The following BCAS3 variants were observed in gnomAD, a reference collection of about 807,000 sequenced individuals.
BCAS3 encodes BCAS3 microtubule associated cell migration factor.
In BCAS3, 53 loss-of-function variants were observed where a neutral mutation model predicts 116.1. That is an observed-to-expected ratio of 0.46 (90% CI 0.37 to 0.57). BCAS3 has a LOEUF of 0.57. BCAS3 is among the 20% of genes least tolerant of loss of function. The pLI is 0.00. For synonymous variants in BCAS3, 391 were observed against 408.2 expected (o/e 0.96, Z 0.51); for missense variants, 917 against 1,165.4 (o/e 0.79, Z 3.10).
At chr17:61,058,109 C>G (rs935338161) in intron 19 of BCAS3, among the ~76,000 whole-genome samples, 1 of 151,980 alleles carries the variant, frequency 6.6e-6, no homozygotes, top group Non-Finnish European at 1.5e-5. Flanking sequence ...GTTTCTCTTT[C>G]TTTGAAAAAA....
rs763523219 is a variant in BCAS3 at position 61,391,926 on chromosome 17, A to G, written c.2594-51A>G. On this transcript the variant is annotated intron_variant, in intron 23 of 23. Coordinates refer to ENST00000407086, the MANE Select transcript of BCAS3 (RefSeq NM_017679.5). The surrounding 1 kb of genome is among the most constrained non-coding windows in gnomAD (Gnocchi z 7.7). ...GCAGCCTGGCCCAGATGGTGCCCCCACTCCCCAGACCCAACTCTAACCAGG... is the reference window on the plus strand; with the variant it reads ...GCAGCCTGGCCCAGATGGTGCCCCCGCTCCCCAGACCCAACTCTAACCAGG... 3.2e-6 allele frequency: 5 copies of G among 1,584,048 alleles called. No homozygotes were observed. Among genetic ancestry groups the G allele is most frequent in the South Asian group, 2.3e-5 (2 of 87,374 alleles).
At chr17:60,726,507 G>A (rs2039874783) in intron 5 of BCAS3, among the ~76,000 whole-genome samples, 1 of 149,042 alleles carries the variant, frequency 6.7e-6, no homozygotes, top group Non-Finnish European at 1.5e-5. Context: ...GCCAGAGGGA[G>A]GAATTTTTTT....
intron 23 of BCAS3, among the ~76,000 whole-genome samples, chr17:61,373,959 G>A (rs562424033): frequency 6.8e-4 from 102 of 149,666 alleles, no homozygotes; most frequent in South Asian, 2.1e-3. Context: ...AGGACTACAG[G>A]CGTGCGCCAC....
At chr17:60,882,718 T>C (rs1482933357) in intron 9 of BCAS3, among the ~76,000 whole-genome samples, 4 of 147,202 alleles carry the variant, frequency 2.7e-5, no homozygotes, top group African/African-American at 2.6e-5. Context: ...CCATTGCTTG[T>C]TTTTGTCAGG....
intron 7 of BCAS3, among the ~76,000 whole-genome samples, chr17:60,853,879 G>T (rs1034831058): frequency 1.5e-4 from 23 of 151,618 alleles, no homozygotes; most frequent in African/African-American, 5.6e-4. Flanking sequence ...TCCATTGAAT[G>T]GATATATCAC....
intron 6 of BCAS3, among the ~76,000 whole-genome samples, chr17:60,760,094 T>G (rs2043374328): frequency 6.6e-6 from 1 of 152,238 alleles, no homozygotes; most frequent in South Asian, 2.1e-4. Flanking sequence ...GCATTTCTTG[T>G]AGCCATCATA....
chr17:60,898,646 A>G (rs12452429), intron 10 of BCAS3, among the ~76,000 whole-genome samples: 347 of 152,200 alleles, frequency 2.3e-3, no homozygotes, highest in Admixed American at 3.8e-3. Flanking sequence ...ACTGGCACCT[A>G]TATTGGTGGT....
rs1213603554 is a variant in BCAS3, at chr17:61,377,424, G to T, written c.2593+8930G>T. ...GCCTATTCCTAGCTATTTTCCACTG[G>T]CAGGAGAGGCCAAATCTGAGAGTCC... On this transcript the variant is annotated intron_variant, in intron 23 of 23. Coordinates refer to ENST00000407086, the MANE Select transcript of BCAS3 (RefSeq NM_017679.5). The surrounding 1 kb of genome is among the most constrained non-coding windows in gnomAD (Gnocchi z 4.6). 6.6e-6 allele frequency among the ~76,000 whole-genome samples: 1 copy of T among 152,234 alleles called. No homozygotes were observed. Among genetic ancestry groups the T allele is most frequent in the East Asian group, 1.9e-4 (1 of 5,196 alleles).
At chr17:61,015,391 A>G (rs2065384423) in intron 15 of BCAS3, among the ~76,000 whole-genome samples, 1 of 152,158 alleles carries the variant, frequency 6.6e-6, no homozygotes, top group South Asian at 2.1e-4. Flanking sequence ...TCTGGACTCA[A>G]GTAATCCTCT....
intron 7 of BCAS3, among the ~76,000 whole-genome samples, chr17:60,832,871 A>G (rs893836398): frequency 2.0e-5 from 3 of 152,210 alleles, no homozygotes; most frequent in Admixed American, 6.5e-5. Context: ...GTGAAAGTTA[A>G]TATCATTCCA....
At position 60,679,490 on chromosome 17, in the gene BCAS3, A is replaced by G; in HGVS notation, c.33A>G (p.Arg11=). 1 of 1,614,004 alleles carries G rather than the reference A, an allele frequency of 6.2e-7. No homozygotes were observed. The highest frequency in any genetic ancestry group is 1.3e-5 in the African/African-American group (1 of 75,038). Residue 11 remains arginine, a synonymous_variant, in exon 2 of 24, where the codon AGA becomes AGG. Coordinates refer to ENST00000407086, the MANE Select transcript of BCAS3 (RefSeq NM_017679.5). ...AAGCTATGGCTACAGATTCCCCAAGAAGACCCAGTCGTTGTACTGGTGGAG... is the reference window on the plus strand; with the variant it reads ...AAGCTATGGCTACAGATTCCCCAAGGAGACCCAGTCGTTGTACTGGTGGAG... MNEAMATDSP[R]RPSRCTGGVV...
intron 9 of BCAS3, among the ~76,000 whole-genome samples, chr17:60,879,611 A>G (rs1439485135): frequency 1.3e-5 from 2 of 152,242 alleles, no homozygotes; most frequent in African/African-American, 4.8e-5. Flanking sequence ...AGTCATTTTC[A>G]GTGTTCTTAA....
chr17:60,789,091 C>G (rs2046530076), intron 6 of BCAS3, among the ~76,000 whole-genome samples: 1 of 152,062 alleles, frequency 6.6e-6, no homozygotes, highest in South Asian at 2.1e-4. Context: ...CAATGGAATC[C>G]TTCTAGAAAA....
chr17:61,253,604 TAGA>T (rs752726256), intron 22 of BCAS3, among the ~76,000 whole-genome samples: 1 of 151,434 alleles, frequency 6.6e-6, no homozygotes, highest in Non-Finnish European at 1.5e-5. Context: ...TCTATGGTAG[TAGA>T]AGGTCAGACC....
chr17:60,999,311 G>A (rs1316062528), intron 15 of BCAS3, among the ~76,000 whole-genome samples: 5 of 152,000 alleles, frequency 3.3e-5, no homozygotes, highest in Non-Finnish European at 7.4e-5. Context: ...AGATGAAGGC[G>A]GATGGATCAT....
chr17:60,841,075 T>A (rs937223784), intron 7 of BCAS3, among the ~76,000 whole-genome samples: 1 of 152,110 alleles, frequency 6.6e-6, no homozygotes, highest in Non-Finnish European at 1.5e-5. Flanking sequence ...GAAAATTGTG[T>A]AATAATTTTT....
chr17:60,833,921 A>G (rs2051155564), intron 7 of BCAS3, among the ~76,000 whole-genome samples: 1 of 152,156 alleles, frequency 6.6e-6, no homozygotes, highest in South Asian at 2.1e-4. Flanking sequence ...TCAAAACGTG[A>G]AACTACTTTT....
chr17:60,794,091 A>C (rs1406667191), intron 6 of BCAS3, among the ~76,000 whole-genome samples: 1 of 152,096 alleles, frequency 6.6e-6, no homozygotes. Context: ...TTTTTTGATT[A>C]TGGCCATTCT....
chr17:60,905,798 T>A lies in BCAS3; in HGVS notation c.822+3095T>A, dbSNP rs2145078683. ...CGGGTTTCAGGATTGGGGCGAGATG[T>A]GATTGGTTTTATAGATGAGCTTGAG... On this transcript the variant is annotated intron_variant, in intron 11 of 23. Coordinates refer to ENST00000407086, the MANE Select transcript of BCAS3 (RefSeq NM_017679.5). Among the ~76,000 whole-genome samples, 3 of 152,132 alleles carry A rather than the reference T, an allele frequency of 2.0e-5. No individual in the cohort carries two copies. In the South Asian group the frequency reaches 6.2e-4, roughly 32 times the overall value.
Sources: gnomAD v4.1 joint callset for allele counts (sites outside exome capture counted in the v4.1 genomes callset) on GRCh38, gnomAD v4.1.1 for gene constraint, Gnocchi (gnomAD v3.1) non-coding constraint, MANE v1.5 for transcripts, NCBI Gene and HGNC (gene_info 2026-07-23, HGNC 2026-07-21) for gene names.